PTPN13: variants seen among roughly 807,000 people sequenced by gnomAD.
The protein encoded by PTPN13 is tyrosine-protein phosphatase non-receptor type 13.
In PTPN13, 191 loss-of-function variants were observed where a neutral mutation model predicts 284.0. The observed-to-expected ratio is 0.67, with a 90% CI of 0.60 to 0.76. The LOEUF (loss-of-function observed/expected upper bound fraction) is 0.76. Among genes scored for constraint, PTPN13 ranks in the 30% least tolerant of loss-of-function variants. The pLI, the probability that PTPN13 is intolerant of heterozygous loss-of-function variation, is 0.00. For missense variants in PTPN13, 2,797 were observed against 2,939.9 expected (o/e 0.95, Z 1.12); for synonymous variants, 986 against 1,022.3 (o/e 0.96, Z 0.68).
At chr4:86,600,917 AATG>A (rs1764247333) in intron 1 of PTPN13, among the ~76,000 whole-genome samples, 1 of 152,112 alleles carries the variant, frequency 6.6e-6, no homozygotes. Flanking sequence ...TTCAGTTTTT[AATG>A]ATAAATTCCC....
chr4:86,786,121 A>G (rs932391301), intron 40 of PTPN13, among the ~76,000 whole-genome samples, 185 bp downstream of exon 40: 2 of 152,100 alleles, frequency 1.3e-5, no homozygotes, highest in African/African-American at 4.8e-5. Flanking sequence ...GAATCATTAC[A>G]CAAATTTTCT....
In PTPN13 at chr4:86,771,469, A is replaced by G. The variant is rs531733957; in HGVS notation, c.5102A>G (p.Glu1701Gly). 1 of 1,566,468 alleles carries G rather than the reference A, an allele frequency of 6.4e-7. No individual in the cohort carries two copies. The highest frequency in any genetic ancestry group is 1.3e-5 in the African/African-American group (1 of 74,148). The change falls in exon 31 of 48, where the codon GAA becomes GGA. Residue 1701 changes from glutamate (E) to glycine (G), a missense_variant. Physicochemically the swap from Glu to Gly is moderately conservative, Grantham distance 98. Transcript: ENST00000411767. ...QSHHEAPKSQ[E>G]DTICTMFYYP... ...CATCATGAAGCACCCAAGAGTCAAG[A>G]AGATACCATTTGTACCATGTTTTAC...
chr4:86,704,682 TA>T (rs996275705), intron 7 of PTPN13, among the ~76,000 whole-genome samples: 6 of 151,890 alleles, frequency 4.0e-5, no homozygotes, highest in East Asian at 3.9e-4. Context: ...AAAAGCTTTT[TA>T]AAAAAAAATC....
chr4:86,814,109 C>T (rs945971334), intron 47 of PTPN13, among the ~76,000 whole-genome samples: 2 of 147,738 alleles, frequency 1.4e-5, no homozygotes, highest in South Asian at 2.1e-4. Flanking sequence ...CTGTGTCAAG[C>T]GATTCTCCTG....
chr4:86,790,897 A>G, intron 40 of PTPN13, among the ~76,000 whole-genome samples: 1 of 152,164 alleles, frequency 6.6e-6, no homozygotes, highest in South Asian at 2.1e-4. Flanking sequence ...GAATAGGAAC[A>G]GCTCCAGTCT....
chr4:86,620,437 G>C (rs1053121342), intron 1 of PTPN13, among the ~76,000 whole-genome samples: 2 of 152,130 alleles, frequency 1.3e-5, no homozygotes, highest in Admixed American at 6.5e-5. Flanking sequence ...TGGGATTATA[G>C]GTATGAGCAC....
At chr4:86,682,842 CTGTT>C (rs951521732) in intron 3 of PTPN13, among the ~76,000 whole-genome samples, 28 of 152,216 alleles carry the variant, frequency 1.8e-4, no homozygotes, top group African/African-American at 6.7e-4. Flanking sequence ...CCTGTACTGA[CTGTT>C]TGGAATAAAT....
chr4:86,734,023 T>C (rs1735228664), intron 12 of PTPN13, among the ~76,000 whole-genome samples: 1 of 152,140 alleles, frequency 6.6e-6, no homozygotes, highest in Admixed American at 6.5e-5. Context: ...TCTAGAGAGG[T>C]AAAATAATAT....
intron 1 of PTPN13, among the ~76,000 whole-genome samples, chr4:86,602,298 C>A (rs1052397241): frequency 1.3e-5 from 2 of 152,104 alleles, no homozygotes; most frequent in African/African-American, 4.8e-5. Flanking sequence ...GTTACTTAAC[C>A]TTGCTGTACT....
At chr4:86,637,087 G>A (rs1194697829) in intron 2 of PTPN13, among the ~76,000 whole-genome samples, 1 of 152,086 alleles carries the variant, frequency 6.6e-6, no homozygotes, top group Non-Finnish European at 1.5e-5. Context: ...AGAAGAAATG[G>A]ATAAATTCCT....
At chr4:86,628,753 T>C (rs1414727932) in intron 1 of PTPN13, among the ~76,000 whole-genome samples, 1 of 142,198 alleles carries the variant, frequency 7.0e-6, no homozygotes, top group Non-Finnish European at 1.5e-5. Flanking sequence ...ACATGCGGTG[T>C]TTGGTTTTTT....
chr4:86,727,220 T>C (rs1734376686), intron 10 of PTPN13, among the ~76,000 whole-genome samples: 1 of 149,786 alleles, frequency 6.7e-6, no homozygotes, highest in South Asian at 2.1e-4. Flanking sequence ...TTTGCTAGTA[T>C]TTTATTGAGG....
chr4:86,787,013 G>A (rs1742005390), intron 40 of PTPN13, among the ~76,000 whole-genome samples: 1 of 151,824 alleles, frequency 6.6e-6, no homozygotes, highest in African/African-American at 2.4e-5. Flanking sequence ...GCTGAGGCAG[G>A]AGAATCACTT....
At chr4:86,694,378 C>T (rs941513262) in intron 6 of PTPN13, among the ~76,000 whole-genome samples, 2 of 151,366 alleles carry the variant, frequency 1.3e-5, no homozygotes, top group South Asian at 2.1e-4. Flanking sequence ...GTCAGGAGTT[C>T]GAGACCAGCC....
At chr4:86,715,562 A>T (rs1038391749) in intron 7 of PTPN13, among the ~76,000 whole-genome samples, 6 of 152,188 alleles carry the variant, frequency 3.9e-5, no homozygotes, top group Admixed American at 3.9e-4. Context: ...ACTGCACTCC[A>T]GCCTAGGCAA....
chr4:86,791,461 C>T (rs901423828), intron 40 of PTPN13, among the ~76,000 whole-genome samples: 3 of 152,230 alleles, frequency 2.0e-5, no homozygotes, highest in Non-Finnish European at 4.4e-5. Flanking sequence ...CTTCTCCAGA[C>T]TTAAATGTCC....
intron 9 of PTPN13, among the ~76,000 whole-genome samples, chr4:86,719,931 G>C (rs1478180913): frequency 6.6e-6 from 1 of 152,108 alleles, no homozygotes; most frequent in East Asian, 1.9e-4. Flanking sequence ...TGTTTACTCT[G>C]TTTTTCTAAT....
rs965904830 is a variant in PTPN13 at position 86,734,938 on chromosome 4, A to G, written c.2151+63A>G. ...GGTGTTGTTACCTTTAACATAGTTAATGACTAAACCTGATTCAGGTGTTTG... is the reference window on the plus strand; with the variant it reads ...GGTGTTGTTACCTTTAACATAGTTAGTGACTAAACCTGATTCAGGTGTTTG... On this transcript the variant is annotated intron_variant, in intron 14 of 47. Transcript: ENST00000411767. 3.2e-6 allele frequency: 5 copies of G among 1,543,418 alleles called. No individual in the cohort carries two copies. The African/African-American group carries it at 6.8e-5, about 21-fold the overall frequency.
Position 86,785,161 on chromosome 4 carries a change from T to G in PTPN13, c.6119-70T>G, listed in dbSNP as rs1275524114. 3 of 1,236,502 alleles carry G rather than the reference T, an allele frequency of 2.4e-6. No homozygotes were observed. The Admixed American group carries it at 9.1e-5, about 38-fold the overall frequency. 76.6% of individuals were successfully genotyped at this position (1,236,502 alleles called of 1,614,324 possible). A position where few individuals can be genotyped will look rare whatever the true frequency, so the allele number is the denominator to read the frequency against. The stretch of plus-strand genomic sequence containing the variant: ...TTTGAAAGCACCTAGCAAATTCTGT[T>G]TAACACCTTGTCCCTTTCTCGTGTC... On this transcript the variant is annotated intron_variant, in intron 38 of 47. Transcript: ENST00000411767.
Sources: gnomAD v4.1 joint callset for allele counts (sites outside exome capture counted in the v4.1 genomes callset) on GRCh38, gnomAD v4.1.1 for gene constraint, MANE v1.5 for transcripts, NCBI Gene and HGNC (gene_info 2026-07-23, HGNC 2026-07-21) for gene names.